Variants in TRIM36 observed in about 807,000 individuals in gnomAD.
TRIM36 encodes the protein tripartite motif containing 36.
A neutral mutation model predicts 72.4 loss-of-function variants in TRIM36; 42 were observed. The ratio of observed to expected loss-of-function variants is 0.58; its 90% confidence interval spans 0.45 to 0.75. TRIM36 has a LOEUF of 0.75. TRIM36 is among the 30% of genes least tolerant of loss of function. The pLI is 0.00. For synonymous variants in TRIM36, 315 were observed against 282.8 expected (o/e 1.11, Z -1.14); for missense variants, 913 against 857.1 (o/e 1.07, Z -0.81).
chr5:115,140,355 A>G (rs1160404586), intron 5 of TRIM36, among the ~76,000 whole-genome samples: 1 of 152,222 alleles, frequency 6.6e-6, no homozygotes, highest in Non-Finnish European at 1.5e-5. Context: ...GACTTTTAAA[A>G]CAACCCAATC....
intron 2 of TRIM36, chr5:115,148,730 T>C (rs1477743735): frequency 6.6e-6 from 1 of 152,216 alleles, no homozygotes; most frequent in Non-Finnish European, 1.5e-5. Flanking sequence ...CTTAAGAGTA[T>C]GCAGTCTTAG....
chr5:115,143,498 A>T lies in TRIM36; in HGVS notation c.735+1100T>A, dbSNP rs954908337. On this transcript the variant is annotated intron_variant, in intron 4 of 9. Coordinates refer to ENST00000513154, the MANE Select transcript of TRIM36 (RefSeq NM_001300759.2). ...TAGCAGAGAAATATAAACTTTAATT[A>T]AAAAAAAAAATCAAAACTGACCTAG... Among the ~76,000 whole-genome samples, 2 of 148,626 alleles carry T rather than the reference A, an allele frequency of 1.3e-5. 1 individual carries two copies. Among genetic ancestry groups the T allele is most frequent in the South Asian group, 4.2e-4 (2 of 4,716 alleles).
At chr5:115,147,012 A>G (rs1385257146) in intron 3 of TRIM36, 57 bp downstream of exon 3, 1 of 1,430,858 alleles carries the variant, frequency 7.0e-7, no homozygotes, top group Non-Finnish European at 9.4e-7. Context: ...TAAGTACATA[A>G]AAGTTTCATA....
At chr5:115,163,381 T>TA in intron 2 of TRIM36, 137 bp downstream of exon 2, 2 of 702,606 alleles carry the variant, frequency 2.8e-6, no homozygotes, top group Non-Finnish European at 4.7e-6. Context: ...GGCCCCTTTA[T>TA]AACTACAGTT....
intron 2 of TRIM36, among the ~76,000 whole-genome samples, chr5:115,148,600 G>C (rs917131173): frequency 1.3e-5 from 2 of 151,644 alleles, no homozygotes; most frequent in African/African-American, 2.4e-5. Context: ...TAGTAGAGAT[G>C]GGGTTTCACC....
At chr5:115,166,195 C>T (rs577277987) in intron 1 of TRIM36, among the ~76,000 whole-genome samples, 126 of 152,296 alleles carry the variant, frequency 8.3e-4, no homozygotes, top group African/African-American at 2.9e-3. Context: ...GTCCAGGCTG[C>T]CAGTTCCACT....
At chr5:115,146,923 G>A in intron 3 of TRIM36, 146 bp downstream of exon 3, 2 of 821,884 alleles carry the variant, frequency 2.4e-6, no homozygotes, top group African/African-American at 1.7e-5. Flanking sequence ...CAGCCAACTA[G>A]GCCTTAAGTT....
intron 2 of TRIM36, among the ~76,000 whole-genome samples, chr5:115,160,909 A>C (rs906986303): frequency 2.6e-5 from 4 of 152,066 alleles, no homozygotes; most frequent in Non-Finnish European, 4.4e-5. Flanking sequence ...AAGGAATATT[A>C]CTCATGAATC....
chr5:115,127,077 A>T (rs1472403604), intron 9 of TRIM36, among the ~76,000 whole-genome samples: 1 of 152,238 alleles, frequency 6.6e-6, no homozygotes, highest in Non-Finnish European at 1.5e-5. Context: ...TGCTTTAGTT[A>T]TATACAGAAG....
At chr5:115,158,875 G>A (rs981580823) in intron 2 of TRIM36, among the ~76,000 whole-genome samples, 1 of 152,050 alleles carries the variant, frequency 6.6e-6, no homozygotes, top group African/African-American at 2.4e-5. Context: ...GCTTCTAATC[G>A]TGGCTTTAAG....
chr5:115,163,791 G>A, intron 1 of TRIM36, 39 bp from the exon 2 acceptor site: 1 of 1,492,218 alleles, frequency 6.7e-7, no homozygotes, highest in Non-Finnish European at 9.3e-7. Flanking sequence ...GCTCTTAGTG[G>A]GTAAATATAT....
chr5:115,153,838 G>GT (rs1404763918), intron 2 of TRIM36: 2 of 152,142 alleles, frequency 1.3e-5, no homozygotes, highest in African/African-American at 4.8e-5. Flanking sequence ...GGACCTAACA[G>GT]TTACATGCAC....
intron 4 of TRIM36, among the ~76,000 whole-genome samples, chr5:115,142,535 A>C (rs1401735331): frequency 6.6e-6 from 1 of 152,224 alleles, no homozygotes; most frequent in African/African-American, 2.4e-5. Flanking sequence ...CAGAATTCGG[A>C]CACATGATGT....
At chr5:115,176,536 G>C (rs59458003) in intron 1 of TRIM36, among the ~76,000 whole-genome samples, 5,840 of 152,200 alleles carry the variant, frequency 0.038, 369 homozygotes, top group African/African-American at 0.13. Context: ...TGCCTGAACA[G>C]TAAATATTAA....
chr5:115,161,737 G>A (rs1358036582), intron 2 of TRIM36, among the ~76,000 whole-genome samples: 6 of 152,128 alleles, frequency 3.9e-5, no homozygotes, highest in Non-Finnish European at 8.8e-5. Flanking sequence ...ATAAGGAGTC[G>A]TAAAATCAGT....
intron 2 of TRIM36, chr5:115,149,442 G>A (rs1753767096): frequency 6.6e-6 from 1 of 151,580 alleles, no homozygotes. Flanking sequence ...AAAAAAATGA[G>A]TTATTTTTGG....
At chr5:115,170,588 A>G (rs1755063370), upstream of TRIM36, among the ~76,000 whole-genome samples, 1 of 152,096 alleles carries the variant, frequency 6.6e-6, no homozygotes, top group South Asian at 2.1e-4. Context: ...TGCTGGGTGA[A>G]CTTAATAGTC....
chr5:115,158,725 T>A (rs1754320906), intron 2 of TRIM36, among the ~76,000 whole-genome samples: 2 of 152,232 alleles, frequency 1.3e-5, no homozygotes, highest in Admixed American at 1.3e-4. Context: ...GTAAAATTTA[T>A]TTCTCTCAAC....
At position 115,169,873 on chromosome 5, in the gene TRIM36, C is replaced by G. The variant is rs1432882054; in HGVS notation, c.-239G>C. 3.8e-6 allele frequency: 5 copies of G among 1,305,090 alleles called. No individual in the cohort carries two copies. The highest frequency in any genetic ancestry group is 4.9e-6 in the Non-Finnish European group (5 of 1,026,306). The allele number at this position is 1,305,090 out of a possible 1,614,324, so 80.8% of individuals were successfully genotyped here. On this transcript the variant is annotated 5_prime_UTR_variant, in exon 1 of 10. Transcript: ENST00000513154. ...CAGCGACTACCCCGGGAATCCCGCC[C>G]AGCTGCCGGCTGCAGCAGCGGCTCC... is the stretch of plus-strand genomic sequence containing the variant.
Sources: gnomAD v4.1 joint callset for allele counts (sites outside exome capture counted in the v4.1 genomes callset) on GRCh38, gnomAD v4.1.1 for gene constraint, MANE v1.5 for transcripts, NCBI Gene and HGNC (gene_info 2026-07-23, HGNC 2026-07-21) for gene names.